The following SPECC1 variants were observed in gnomAD, a reference collection of about 807,000 sequenced individuals.
SPECC1 encodes the protein sperm antigen with calponin homology and coiled-coil domains 1.
A neutral mutation model predicts 104.1 loss-of-function variants in SPECC1; 62 were observed. That is an observed-to-expected ratio of 0.60 (90% CI 0.49 to 0.74). SPECC1 has a LOEUF of 0.74. Among genes scored for constraint, SPECC1 ranks in the 30% least tolerant of loss-of-function variants. SPECC1 has a pLI of 0.00. For synonymous variants in SPECC1, 513 were observed against 501.6 expected (o/e 1.02, Z -0.30); for missense variants, 1,306 against 1,310.5 (o/e 1.00, Z 0.05).
intron 3 of SPECC1, among the ~76,000 whole-genome samples, chr17:20,114,244 T>C (rs1417245917): frequency 6.6e-6 from 1 of 152,176 alleles, no homozygotes; most frequent in African/African-American, 2.4e-5. Flanking sequence ...CAGGCTGGAG[T>C]GCAGTGGCGC....
intron 12 of SPECC1, among the ~76,000 whole-genome samples, chr17:20,280,392 A>T (rs1369744251): frequency 3.3e-5 from 5 of 152,202 alleles, no homozygotes; most frequent in African/African-American, 1.2e-4. Flanking sequence ...CTAGTAAGGG[A>T]TAGAGCTGGG....
chr17:20,142,362 G>C (rs2030917354), intron 3 of SPECC1, among the ~76,000 whole-genome samples: 1 of 152,136 alleles, frequency 6.6e-6, no homozygotes, highest in South Asian at 2.1e-4. Context: ...AAAGATATTT[G>C]TGCGCCCGTG....
chr17:20,025,292 A>G (rs1272465722), intron 1 of SPECC1, among the ~76,000 whole-genome samples: 2 of 152,186 alleles, frequency 1.3e-5, no homozygotes, highest in African/African-American at 4.8e-5. Context: ...TAGTCTCCAG[A>G]ACTGTGAGGA....
intron 12 of SPECC1, among the ~76,000 whole-genome samples, chr17:20,279,074 G>C (rs2040669932): frequency 6.6e-6 from 1 of 152,128 alleles, no homozygotes; most frequent in Admixed American, 6.6e-5. Flanking sequence ...TCAGAAAAAG[G>C]AGGCCTTGAT....
At chr17:20,087,310 T>C (rs1035908146) in intron 1 of SPECC1, among the ~76,000 whole-genome samples, 14 of 152,222 alleles carry the variant, frequency 9.2e-5, no homozygotes, top group South Asian at 2.1e-4. Flanking sequence ...GTTAAGAATA[T>C]TAAGTTTTAT....
chr17:20,205,585 G>C lies in SPECC1; in HGVS notation c.1536G>C (p.Leu512=). 6.2e-7 allele frequency: 1 copy of C among 1,614,086 alleles called. No homozygotes were observed. The highest frequency in any genetic ancestry group is 8.5e-7 in the Non-Finnish European group (1 of 1,180,028). ...NQGALEMIKR[L]KEENEKLNEF... ...GAGCTTTAGAAATGATTAAACGTCT[G>C]AAGGAAGAAAATGAAAAACTGAATG... The change falls in exon 4 of 15, where the codon CTG becomes CTC. Residue 512 remains leucine (L), a synonymous_variant. Coordinates refer to ENST00000395527, the MANE Select transcript of SPECC1 (RefSeq NM_001243439.2).
chr17:20,248,188 C>T (rs2151547829), intron 9 of SPECC1, among the ~76,000 whole-genome samples: 1 of 152,270 alleles, frequency 6.6e-6, no homozygotes, highest in Middle Eastern at 3.4e-3. Context: ...GCCTTCCCAG[C>T]CATGTTTACC....
intron 12 of SPECC1, among the ~76,000 whole-genome samples, chr17:20,293,956 A>T (rs1163425731): frequency 6.6e-6 from 1 of 151,920 alleles, no homozygotes; most frequent in African/African-American, 2.4e-5. Flanking sequence ...AGAAGCCACC[A>T]TCTCGATGGG....
At chr17:20,278,253 A>T (rs12603372) in intron 12 of SPECC1, among the ~76,000 whole-genome samples, 2 of 151,954 alleles carry the variant, frequency 1.3e-5, no homozygotes, top group South Asian at 4.1e-4. Flanking sequence ...GAGTGTTTTG[A>T]TTGCCAACAA....
chr17:20,288,533 A>G (rs1359431183), intron 12 of SPECC1, among the ~76,000 whole-genome samples: 1 of 152,260 alleles, frequency 6.6e-6, no homozygotes, highest in African/African-American at 2.4e-5. Flanking sequence ...TCACAGTGAG[A>G]TACCATGTCA....
In SPECC1 at chr17:20,112,634, T is replaced by G. The variant is rs115672399; in HGVS notation, c.283+2072T>G. The G allele has an allele frequency of 1.9e-3, 1,687 of 886,616 alleles. 19 individuals are homozygous for G. In the African/African-American group the frequency reaches 0.023, roughly 12 times the overall value. The allele number at this position is 886,616 out of a possible 1,614,324, so 54.9% of individuals were successfully genotyped here. A position where few individuals can be genotyped will look rare whatever the true frequency, so the allele number is the denominator to read the frequency against. On this transcript the variant is annotated intron_variant, in intron 3 of 14. Transcript: ENST00000395527. ...TGATCTCTCTGGATCAGTGCTTGAC[T>G]GTGCAAATCTTCAGGGAGTCAAGAC...
intron 3 of SPECC1, among the ~76,000 whole-genome samples, chr17:20,124,963 G>A (rs1375410952): frequency 6.6e-6 from 1 of 152,072 alleles, no homozygotes; most frequent in Non-Finnish European, 1.5e-5. Flanking sequence ...GGCGGATCAC[G>A]AGGTCAGGAG....
intron 3 of SPECC1, chr17:20,156,346 T>C: frequency 8.3e-7 from 1 of 1,211,584 alleles, no homozygotes; most frequent in Non-Finnish European, 1.1e-6. Flanking sequence ...AGCGAAAGGC[T>C]AAGGTCCTGG....
chr17:20,191,253 A>G (rs916513676), intron 3 of SPECC1, among the ~76,000 whole-genome samples: 2 of 152,186 alleles, frequency 1.3e-5, no homozygotes, highest in African/African-American at 2.4e-5. Flanking sequence ...AAGGAGTGCT[A>G]TTGCTGGATC....
rs762285113 is a variant in SPECC1, at chr17:20,096,664, G to A, written c.13G>A (p.Ala5Thr). The A allele has an allele frequency of 6.8e-6, 11 of 1,613,456 alleles. No individual in the cohort carries two copies. The highest frequency in any genetic ancestry group is 7.6e-6 in the Non-Finnish European group (9 of 1,179,670). MRSA[A>T]KPWNPAIRAG... ...CACGAAGTCAAGCATGCGGAGTGCA[G>A]CCAAGCCCTGGAACCCAGCCATCAG... The change falls in exon 2 of 15, where the codon GCC (alanine) becomes ACC (threonine). Residue 5 changes from alanine to threonine, a missense_variant. Ala to Thr is a moderately conservative substitution (Grantham distance 58, BLOSUM62 0). Transcript: ENST00000395527.
intron 1 of SPECC1, among the ~76,000 whole-genome samples, chr17:20,024,659 G>A (rs537730780): frequency 1.3e-5 from 2 of 152,332 alleles, no homozygotes; most frequent in East Asian, 3.9e-4. Flanking sequence ...ATTGAAAGGT[G>A]GGAGGAAGGG....
intron 12 of SPECC1, among the ~76,000 whole-genome samples, chr17:20,274,190 A>G (rs189422200): frequency 6.6e-6 from 1 of 152,252 alleles, no homozygotes; most frequent in Admixed American, 6.5e-5. Flanking sequence ...TTATTTCATC[A>G]TCTCTCTTGA....
At chr17:20,053,974 C>G (rs971119256) in intron 1 of SPECC1, among the ~76,000 whole-genome samples, 1 of 152,088 alleles carries the variant, frequency 6.6e-6, no homozygotes, top group Non-Finnish European at 1.5e-5. Context: ...AGCAAGGAAA[C>G]AACTCCTTCC....
chr17:20,272,696 A>G (rs1214266555), intron 12 of SPECC1, among the ~76,000 whole-genome samples: 2 of 152,234 alleles, frequency 1.3e-5, no homozygotes, highest in Non-Finnish European at 2.9e-5. Context: ...CATCCATGTT[A>G]TAGCATGTGT....
Sources: gnomAD v4.1 joint callset for allele counts (sites outside exome capture counted in the v4.1 genomes callset) on GRCh38, gnomAD v4.1.1 for gene constraint, MANE v1.5 for transcripts, NCBI Gene and HGNC (gene_info 2026-07-23, HGNC 2026-07-21) for gene names.